KCNN3: variants seen among roughly 807,000 people sequenced by gnomAD.
KCNN3 encodes the protein potassium calcium-activated channel subfamily N member 3, also known as small conductance calcium-activated potassium channel protein 3.
KCNN3 carries 16 observed loss-of-function variants against 62.9 expected under a neutral mutation model. The observed-to-expected ratio is 0.25, with a 90% CI of 0.17 to 0.39. The LOEUF (loss-of-function observed/expected upper bound fraction) is 0.39, where lower values mean the gene tolerates loss of function less well. KCNN3 is among the 10% of genes least tolerant of loss of function. The probability of loss-of-function intolerance (pLI) is 1.00; values close to 1 mark genes in which losing one functional copy is unlikely to be tolerated. For synonymous variants in KCNN3, 370 were observed against 389.2 expected, an observed-to-expected ratio of 0.95 and a Z score of 0.58; for missense variants, 599 against 949.4, an observed-to-expected ratio of 0.63 and a Z score of 4.85.
rs73003293 is a variant in KCNN3, at chr1:154,720,578, A to G, written c.1701+5338T>C. Among the ~76,000 whole-genome samples, 944 of 101,712 alleles carry G rather than the reference A, an allele frequency of 9.3e-3. 11 individuals carry two copies. The highest frequency in any genetic ancestry group is 0.034 in the African/African-American group (871 of 25,880). 66.7% of individuals were successfully genotyped at this position (101,712 alleles called of 152,430 possible). ...TCTTTGAATTAGCCTGCTGAAGAAA[A>G]TTTTCTTCTAGCAAGATTATGATCA... On this transcript the variant is annotated intron_variant, in intron 5 of 7. Transcript: ENST00000271915.
chr1:154,832,270 T>C (rs753352617), intron 1 of KCNN3, among the ~76,000 whole-genome samples: 26 of 151,796 alleles, frequency 1.7e-4, no homozygotes, highest in Non-Finnish European at 3.5e-4. Flanking sequence ...TACATTACTC[T>C]TGTGGTGTCA....
chr1:154,808,382 C>T (rs1478833141), intron 2 of KCNN3, among the ~76,000 whole-genome samples: 1 of 152,144 alleles, frequency 6.6e-6, no homozygotes, highest in Non-Finnish European at 1.5e-5. Flanking sequence ...AGAGGACCCT[C>T]GACCCACCTG....
chr1:154,816,509 C>T (rs1650672937), intron 2 of KCNN3, among the ~76,000 whole-genome samples: 1 of 152,204 alleles, frequency 6.6e-6, no homozygotes, highest in African/African-American at 2.4e-5. Context: ...AGGGACGGCA[C>T]CTCCCATCCC....
intron 2 of KCNN3, among the ~76,000 whole-genome samples, chr1:154,775,483 GGGTTTAATAAACT>G (rs1407986641): frequency 6.6e-6 from 1 of 152,152 alleles, no homozygotes; most frequent in African/African-American, 2.4e-5. Context: ...TGGATTGAAA[GGGTTTAATAAACT>G]ACAAAGGATC....
At position 154,869,822 on chromosome 1, in the gene KCNN3, G is replaced by T; in HGVS notation, c.143C>A (p.Pro48Gln). ...QQQQPPPPAP[P>Q]AAPQQPLGPS... ...TCCCAGGGGCTGCTGGGGGGCTGCT[G>T]GTGGCGCTGGCGGTGGTGGCTGCTG... Residue 48 changes from proline to glutamine, a missense_variant, in exon 1 of 8, where the codon CCA (proline) becomes CAA (glutamine). Pro to Gln is a moderately conservative substitution (Grantham distance 76). Coordinates refer to ENST00000271915, the MANE Select transcript of KCNN3 (RefSeq NM_002249.6). The surrounding 1 kb of genome is among the most constrained non-coding windows in gnomAD (Gnocchi z 6.1). 1 of 1,563,408 alleles carries T rather than the reference G, an allele frequency of 6.4e-7. No individual in the cohort carries two copies. The highest frequency in any genetic ancestry group is 1.4e-5 in the African/African-American group (1 of 73,330).
rs369288709 is a variant in KCNN3 at position 154,869,632 on chromosome 1, G to T, written c.333C>A (p.Pro111=). The T allele has an allele frequency of 1.9e-6, 3 of 1,613,620 alleles. No individual in the cohort carries two copies. Among genetic ancestry groups the T allele is most frequent in the Non-Finnish European group, 2.5e-6 (3 of 1,179,872 alleles). ...GGATGGCGGTGGAGTTGGACGAAGGGGGGGCCCTGAAAGCGGTGGGAGAGG... is the reference window on the plus strand; with the variant it reads ...GGATGGCGGTGGAGTTGGACGAAGGTGGGGCCCTGAAAGCGGTGGGAGAGG... ...LHSSPTAFRA[P]PSSNSTAILH... The change falls in exon 1 of 8, where the codon CCC becomes CCA. Residue 111 remains proline, a synonymous_variant. Transcript: ENST00000271915. This position sits in a 1 kb window ranked among gnomAD's most constrained non-coding sequence, Gnocchi z 6.1.
At chr1:154,714,265 GGTATGTGGT>G (rs1700160299) in intron 6 of KCNN3, among the ~76,000 whole-genome samples, 3 of 58,504 alleles carry the variant, frequency 5.1e-5, no homozygotes, top group Middle Eastern at 0.017. Flanking sequence ...TGTGATGTGT[GGTATGTGGT>G]GTGTGTGGTG....
At chr1:154,828,890 A>G (rs1445471479) in intron 1 of KCNN3, among the ~76,000 whole-genome samples, 1 of 152,238 alleles carries the variant, frequency 6.6e-6, no homozygotes, top group Non-Finnish European at 1.5e-5. Flanking sequence ...GCATTTCAGA[A>G]AGACACCTTT....
At chr1:154,813,489 T>C (rs1367390584) in intron 2 of KCNN3, among the ~76,000 whole-genome samples, 2 of 152,052 alleles carry the variant, frequency 1.3e-5, no homozygotes, top group Non-Finnish European at 2.9e-5. Context: ...CGCCTTCCCA[T>C]TCACAAACAC....
rs1699998217 is a variant in KCNN3, at chr1:154,708,061, G to T, written c.2111C>A (p.Thr704Asn). The T allele has an allele frequency of 6.2e-7, 1 of 1,613,340 alleles. No individual in the cohort carries two copies. The highest frequency in any genetic ancestry group is 8.5e-7 in the Non-Finnish European group (1 of 1,179,554). ...EARGVSVAVGTTHTPISDSPI... is the reference protein window; with the variant it reads ...EARGVSVAVGNTHTPISDSPI... ...GCTATCGGAGATTGGGGTGTGGGTG[G>T]TGCCCACTGCCACGCTGACACCCCG... is the stretch of plus-strand genomic sequence containing the variant. Residue 704 changes from threonine to asparagine, a missense_variant, in exon 8 of 8, where the codon ACC becomes AAC. Coordinates refer to ENST00000271915, the MANE Select transcript of KCNN3 (RefSeq NM_002249.6).
At chr1:154,807,560 G>C (rs866213305) in intron 2 of KCNN3, among the ~76,000 whole-genome samples, 2 of 152,352 alleles carry the variant, frequency 1.3e-5, no homozygotes, top group Non-Finnish European at 2.9e-5. Context: ...GAATTCTGCA[G>C]GCAAAGGAAG....
At chr1:154,754,331 C>T (rs1039257525) in intron 3 of KCNN3, among the ~76,000 whole-genome samples, 6 of 152,028 alleles carry the variant, frequency 3.9e-5, no homozygotes, top group African/African-American at 1.5e-4. Flanking sequence ...AACCATAGAG[C>T]TTGGTGCCTA....
chr1:154,792,131 A>G (rs184056580), intron 2 of KCNN3, among the ~76,000 whole-genome samples: 2 of 152,168 alleles, frequency 1.3e-5, no homozygotes, highest in African/African-American at 4.8e-5. Context: ...AATGGGTGGC[A>G]CTCACTGTGG....
At chr1:154,714,149 T>C (rs1700145028) in intron 6 of KCNN3, among the ~76,000 whole-genome samples, 1 of 73,664 alleles carries the variant, frequency 1.4e-5, no homozygotes, top group South Asian at 4.8e-4. Flanking sequence ...TGTTTGTGTG[T>C]GGTATGTATG....
intron 2 of KCNN3, among the ~76,000 whole-genome samples, chr1:154,802,274 A>C (rs1055803716): frequency 1.3e-5 from 2 of 152,254 alleles, no homozygotes; most frequent in Non-Finnish European, 2.9e-5. Flanking sequence ...AGAGAAAGAC[A>C]AATGGTTGAT....
chr1:154,830,433 C>T (rs1651335048), intron 1 of KCNN3, among the ~76,000 whole-genome samples: 2 of 152,216 alleles, frequency 1.3e-5, no homozygotes, highest in African/African-American at 4.8e-5. Flanking sequence ...CTGCCCTTAC[C>T]GGTCCCACCT....
chr1:154,805,135 T>C (rs985706600), intron 2 of KCNN3, among the ~76,000 whole-genome samples: 2 of 152,140 alleles, frequency 1.3e-5, no homozygotes, highest in African/African-American at 2.4e-5. Flanking sequence ...CAGTCAGGGT[T>C]CGAGTGAGGC....
intron 5 of KCNN3, among the ~76,000 whole-genome samples, chr1:154,725,323 G>C (rs1033069550): frequency 7.9e-5 from 12 of 151,982 alleles, no homozygotes; most frequent in African/African-American, 2.9e-4. Flanking sequence ...GATTTATTTG[G>C]TATCATCAGG....
intron 7 of KCNN3, 114 bp from the exon 8 acceptor site, chr1:154,708,386 G>T: frequency 9.6e-7 from 1 of 1,044,804 alleles, no homozygotes; most frequent in Non-Finnish European, 1.5e-6. Flanking sequence ...TTCCACACCA[G>T]CTGATCTGGT....
Sources: gnomAD v4.1 joint callset for allele counts (sites outside exome capture counted in the v4.1 genomes callset) on GRCh38, gnomAD v4.1.1 for gene constraint, Gnocchi (gnomAD v3.1) non-coding constraint, MANE v1.5 for transcripts, NCBI Gene and HGNC (gene_info 2026-07-23, HGNC 2026-07-21) for gene names.